EHMT1: variants seen among roughly 807,000 people sequenced by gnomAD.
EHMT1 encodes histone-lysine N-methyltransferase EHMT1.
Under a neutral mutation model 147.2 loss-of-function variants are expected in EHMT1, and 15 were observed. That is an observed-to-expected ratio of 0.10 (90% CI 0.07 to 0.16). The LOEUF (loss-of-function observed/expected upper bound fraction) is 0.16. Among genes scored for constraint, EHMT1 ranks in the 10% least tolerant of loss-of-function variants. The pLI, the probability that EHMT1 is intolerant of heterozygous loss-of-function variation, is 1.00. For missense variants in EHMT1, 1,587 were observed against 1,772.4 expected, an observed-to-expected ratio of 0.90 and a Z score of 1.88; for synonymous variants, 795 against 709.6, an observed-to-expected ratio of 1.12 and a Z score of -1.91.
chr9:137,745,560 AC>A (rs1237201839), intron 6 of EHMT1: 5 of 398,514 alleles, frequency 1.3e-5, no homozygotes, highest in Non-Finnish European at 1.8e-5. Context: ...ACTTCCTTAG[AC>A]GTGCCCAGCA....
chr9:137,757,702 G>C (rs1323013045), intron 8 of EHMT1, among the ~76,000 whole-genome samples, 178 bp from the exon 9 acceptor site: 6 of 152,138 alleles, frequency 3.9e-5, no homozygotes, highest in Admixed American at 1.3e-4. Context: ...ATATGCGGGA[G>C]AGAAAATGAT....
At chr9:137,774,437 C>T (rs1950798300) in intron 10 of EHMT1, among the ~76,000 whole-genome samples, 1 of 146,684 alleles carries the variant, frequency 6.8e-6, no homozygotes, top group Non-Finnish European at 1.5e-5. Context: ...GGTGTGGGCA[C>T]GCCTGGCCCC....
chr9:137,792,447 G>A (rs1952596571), intron 16 of EHMT1, among the ~76,000 whole-genome samples: 1 of 152,218 alleles, frequency 6.6e-6, no homozygotes, highest in Non-Finnish European at 1.5e-5. Context: ...GCTCACGCCT[G>A]TAATCCCAGC....
At chr9:137,784,449 GTTTTAT>G (rs1435494255) in intron 15 of EHMT1, 1 of 1,146,532 alleles carries the variant, frequency 8.7e-7, no homozygotes, top group East Asian at 4.2e-5. Context: ...TTTTGAATTG[GTTTTAT>G]TTCGATTTTG....
At chr9:137,768,789 A>T (rs1205066572) in intron 10 of EHMT1, among the ~76,000 whole-genome samples, 1 of 151,370 alleles carries the variant, frequency 6.6e-6, no homozygotes, top group African/African-American at 2.4e-5. Flanking sequence ...TGACCTCGTG[A>T]TCCGCCCGCC....
At chr9:137,717,208 T>G in intron 3 of EHMT1, 26 bp downstream of exon 3, 1 of 1,609,226 alleles carries the variant, frequency 6.2e-7, no homozygotes, top group East Asian at 2.2e-5. Flanking sequence ...CTCTTGCTGT[T>G]TCCTTTTTCC....
intron 25 of EHMT1, among the ~76,000 whole-genome samples, chr9:137,831,541 C>T (rs565977550): frequency 8.5e-5 from 13 of 152,354 alleles, no homozygotes; most frequent in African/African-American, 2.9e-4. Context: ...CAGTGAATTT[C>T]GATGTAGAAT....
chr9:137,744,433 C>T (rs1383161305), intron 6 of EHMT1, among the ~76,000 whole-genome samples: 1 of 152,112 alleles, frequency 6.6e-6, no homozygotes, highest in Admixed American at 6.5e-5. Context: ...ATCCTCCCAT[C>T]CCAGCCCCCC....
chr9:137,683,059 A>G (rs1297823474), intron 1 of EHMT1, among the ~76,000 whole-genome samples: 1 of 152,224 alleles, frequency 6.6e-6, no homozygotes, highest in African/African-American at 2.4e-5. Context: ...CCACAGCTAG[A>G]TTCAGTTATA....
chr9:137,747,014 C>G (rs1275292757), intron 6 of EHMT1: 27 of 152,214 alleles, frequency 1.8e-4, no homozygotes, highest in Admixed American at 1.6e-3. Flanking sequence ...ACAGCCTTAA[C>G]TAGATGGGCA....
At chr9:137,816,550 C>T (rs1954934610) in intron 23 of EHMT1, 1 of 188,148 alleles carries the variant, frequency 5.3e-6, no homozygotes, top group South Asian at 1.0e-4. Context: ...TGCCCAGCGC[C>T]CTTCCCCAGC....
In EHMT1 at chr9:137,783,424, T is replaced by C. The variant is rs147845283; in HGVS notation, c.2382+1027T>C. Among the ~76,000 whole-genome samples, 1,308 of 152,368 alleles carry C rather than the reference T, an allele frequency of 8.6e-3. 33 individuals are homozygous for C. The highest frequency in any genetic ancestry group is 0.046 in the Admixed American group (706 of 15,308). On this transcript the variant is annotated intron_variant, in intron 15 of 26. Transcript: ENST00000460843. The stretch of plus-strand genomic sequence containing the variant: ...AATCCCAGTAATTCCTTTCTGCTCT[T>C]AGATAGTTCCTCTTTCAGTAGCCTC...
intron 18 of EHMT1, chr9:137,803,418 G>A: frequency 1.9e-6 from 1 of 526,160 alleles, no homozygotes; most frequent in African/African-American, 2.1e-5. Flanking sequence ...GCTTTCTGTT[G>A]TCTGCGTGTC....
chr9:137,624,307 CTT>C (rs1252295320), intron 1 of EHMT1, among the ~76,000 whole-genome samples: 25 of 130,726 alleles, frequency 1.9e-4, no homozygotes, highest in Non-Finnish European at 1.6e-4. Context: ...TGCCCGGCCT[CTT>C]TTTTTTTTTT....
At chr9:137,657,229 C>T (rs762461403) in intron 1 of EHMT1, among the ~76,000 whole-genome samples, 5 of 152,128 alleles carry the variant, frequency 3.3e-5, no homozygotes, top group African/African-American at 7.2e-5. Context: ...AGGAGCAAGG[C>T]GTGGGGCAGC....
At chr9:137,670,046 G>A (rs1163141573) in intron 1 of EHMT1, among the ~76,000 whole-genome samples, 1 of 152,068 alleles carries the variant, frequency 6.6e-6, no homozygotes, top group African/African-American at 2.4e-5. Flanking sequence ...TTTTAGTAGA[G>A]ATGAGGTTTC....
intron 14 of EHMT1, among the ~76,000 whole-genome samples, chr9:137,781,180 T>C (rs144181045): frequency 0.72 from 2,124 of 2,958 alleles, 822 homozygotes; most frequent in Non-Finnish European, 0.77. Context: ...GTGATGACGC[T>C]GGGACGTGTG....
intron 1 of EHMT1, among the ~76,000 whole-genome samples, chr9:137,710,461 A>AG (rs1204382749): frequency 3.3e-5 from 5 of 152,218 alleles, no homozygotes; most frequent in African/African-American, 1.2e-4. Context: ...CGAGAGAGTG[A>AG]ACTCTGTCTC....
intron 1 of EHMT1, among the ~76,000 whole-genome samples, chr9:137,632,474 G>A (rs1411937234): frequency 6.6e-6 from 1 of 152,128 alleles, no homozygotes; most frequent in Non-Finnish European, 1.5e-5. Flanking sequence ...TCACTGTGTT[G>A]CCCAGGTTGG....
Sources: allele counts gnomAD v4.1 joint callset (sites outside exome capture counted in the v4.1 genomes callset), GRCh38; gene constraint gnomAD v4.1.1; transcripts MANE v1.5; gene names NCBI Gene and HGNC (gene_info 2026-07-23, HGNC 2026-07-21).